Variants in SMOC2 observed in about 807,000 individuals in gnomAD.
SMOC2 encodes SPARC related modular calcium binding 2.
SMOC2 carries 39 observed loss-of-function variants against 61.4 expected under a neutral mutation model. The ratio of observed to expected loss-of-function variants is 0.64; its 90% CI spans 0.49 to 0.83. The LOEUF (loss-of-function observed/expected upper bound fraction) is 0.83. SMOC2 is among the 40% of genes least tolerant of loss of function. SMOC2 has a pLI of 0.00. For missense variants in SMOC2, 556 were observed against 592.9 expected, an observed-to-expected ratio of 0.94 and a Z score of 0.65; for synonymous variants, 247 against 239.9, an observed-to-expected ratio of 1.03 and a Z score of -0.27.
In SMOC2 at chr6:168,511,811, G is replaced by GTTTTTTTT. The variant is rs144317852; in HGVS notation, c.256+1727_256+1728insTTTTTTTT. On this transcript the variant is annotated intron_variant, in intron 2 of 12. Coordinates refer to ENST00000356284, the MANE Select transcript of SMOC2 (RefSeq NM_001166412.2). The stretch of plus-strand genomic sequence containing the variant: ...GACAAATGGCTATTCATTATCAAGG[G>GTTTTTTTT]TTGTTTTTTTTTTTTTTTCTGAAAT... Among the ~76,000 whole-genome samples, 21 of 130,732 alleles carry GTTTTTTTT rather than the reference G, an allele frequency of 1.6e-4. 2 individuals are homozygous for GTTTTTTTT. Among genetic ancestry groups the GTTTTTTTT allele is most frequent in the Non-Finnish European group, 1.9e-4 (12 of 62,628 alleles). 85.8% of individuals were successfully genotyped at this position (130,732 alleles called of 152,430 possible).
chr6:168,583,981 G>A (rs756466805), intron 7 of SMOC2, among the ~76,000 whole-genome samples: 2 of 152,208 alleles, frequency 1.3e-5, no homozygotes, highest in Non-Finnish European at 2.9e-5. Flanking sequence ...GGCTGTGGTT[G>A]CAACAGTAAT....
At chr6:168,465,202 G>A (rs1230425111) in intron 1 of SMOC2, among the ~76,000 whole-genome samples, 1 of 152,208 alleles carries the variant, frequency 6.6e-6, no homozygotes, top group African/African-American at 2.4e-5. Flanking sequence ...GAATCTCTTT[G>A]TTTTTGTTTC....
chr6:168,549,293 C>T (rs1490365556), intron 7 of SMOC2, 90 bp downstream of exon 7: 1 of 1,243,758 alleles, frequency 8.0e-7, no homozygotes, highest in African/African-American at 1.5e-5. Context: ...GTGTATTGTA[C>T]AGTTGACCCT....
intron 2 of SMOC2, among the ~76,000 whole-genome samples, chr6:168,511,311 G>T (rs1404195343): frequency 6.6e-6 from 1 of 152,130 alleles, no homozygotes; most frequent in Non-Finnish European, 1.5e-5. Flanking sequence ...AGCTGGGGAG[G>T]CCTCAGGAAG....
intron 2 of SMOC2, among the ~76,000 whole-genome samples, chr6:168,519,579 C>T (rs147801558): frequency 3.9e-5 from 6 of 152,286 alleles, no homozygotes; most frequent in African/African-American, 1.4e-4. Flanking sequence ...CACAGCCGGA[C>T]GTTCCTAGAA....
At chr6:168,472,251 G>A (rs887548648) in intron 1 of SMOC2, among the ~76,000 whole-genome samples, 32 of 150,922 alleles carry the variant, frequency 2.1e-4, no homozygotes, top group African/African-American at 6.8e-4. Flanking sequence ...GTCCAACTTC[G>A]TTGTTTTGCA....
chr6:168,502,038 A>C (rs1483703700), intron 1 of SMOC2, among the ~76,000 whole-genome samples: 3 of 152,044 alleles, frequency 2.0e-5, no homozygotes, highest in Non-Finnish European at 4.4e-5. Flanking sequence ...TGAACTTCTA[A>C]TTTAGCTCCC....
At chr6:168,569,299 A>G (rs1424003780) in intron 7 of SMOC2, among the ~76,000 whole-genome samples, 1 of 152,182 alleles carries the variant, frequency 6.6e-6, no homozygotes, top group Non-Finnish European at 1.5e-5. Context: ...AATGACTTTC[A>G]TATGCCTATT....
chr6:168,571,435 G>A (rs1784663688), intron 7 of SMOC2, among the ~76,000 whole-genome samples: 1 of 152,052 alleles, frequency 6.6e-6, no homozygotes, highest in Admixed American at 6.6e-5. Context: ...TGCAGCCTCC[G>A]AGCCAGACGT....
intron 1 of SMOC2, among the ~76,000 whole-genome samples, chr6:168,503,870 G>A (rs189354377): frequency 1.3e-5 from 2 of 152,162 alleles, no homozygotes; most frequent in African/African-American, 4.8e-5. Flanking sequence ...GAGATCCTGT[G>A]CAGAGTTGGC....
chr6:168,612,339 G>T (rs1438840526), intron 9 of SMOC2, among the ~76,000 whole-genome samples: 1 of 124,552 alleles, frequency 8.0e-6, no homozygotes, highest in East Asian at 2.6e-4. Flanking sequence ...CTCCATCAGG[G>T]GAGAGGGTGA....
Position 168,666,898 on chromosome 6 carries a change from T to G in SMOC2, c.*460T>G, listed in dbSNP as rs1274957461. On this transcript the variant is annotated 3_prime_UTR_variant, in exon 13 of 13. Transcript: ENST00000356284. ...CGACCCTACAGGCAGTTAACATGCA[T>G]GGGCTGGTTTGTTTCTTGGGATTTT... 2 of 156,094 alleles carry G rather than the reference T, an allele frequency of 1.3e-5. No homozygotes were observed. Among genetic ancestry groups the G allele is most frequent in the African/African-American group, 4.8e-5 (2 of 41,564 alleles). The allele number at this position is 156,094 out of a possible 1,614,324, so 9.7% of individuals were successfully genotyped here.
In SMOC2 at chr6:168,620,536, G is replaced by C. The variant is rs569787496; in HGVS notation, c.907+12297G>C. ...TTGGGAAAATGGAGACTGATATATAGGAAAATTTTCCCTATGTCTAAAAAT... is the reference window on the plus strand; with the variant it reads ...TTGGGAAAATGGAGACTGATATATACGAAAATTTTCCCTATGTCTAAAAAT... On this transcript the variant is annotated intron_variant, in intron 9 of 12. Transcript: ENST00000356284. 2.0e-5 allele frequency among the ~76,000 whole-genome samples: 3 copies of C among 152,218 alleles called. No individual in the cohort carries two copies. In the South Asian group the frequency reaches 6.2e-4, roughly 32 times the overall value.
intron 9 of SMOC2, among the ~76,000 whole-genome samples, chr6:168,610,369 A>G (rs146473017): frequency 1.3e-5 from 2 of 152,342 alleles, no homozygotes; most frequent in Non-Finnish European, 2.9e-5. Flanking sequence ...GTTCATGACC[A>G]CTTAATTATT....
rs139743164 is a variant in SMOC2, at chr6:168,547,610, TA to T, written c.562+444del. 1.1e-4 allele frequency among the ~76,000 whole-genome samples: 17 copies of T among 152,232 alleles called. 1 individual carries two copies. The East Asian group carries it at 3.3e-3, about 29-fold the overall frequency. On this transcript the variant is annotated intron_variant, in intron 6 of 12. Transcript: ENST00000356284. ...GATGAAACGGCAACGGATGGCATAG[TA>T]AACATTTCCTAGCCACACGCCCCTG...
chr6:168,599,401 GAC>G (rs138442021), intron 8 of SMOC2, among the ~76,000 whole-genome samples: 40,202 of 87,146 alleles, frequency 0.46, 7,681 homozygotes, highest in Non-Finnish European at 0.51. Context: ...CACACACACT[GAC>G]ACACACACAT....
At chr6:168,463,571 AG>A (rs1781760688) in intron 1 of SMOC2, among the ~76,000 whole-genome samples, 1 of 152,192 alleles carries the variant, frequency 6.6e-6, no homozygotes, top group African/African-American at 2.4e-5. Context: ...CCCAGGAGCC[AG>A]GGGAGTGTGA....
In SMOC2 at chr6:168,630,496, C is replaced by T. The variant is rs562536587; in HGVS notation, c.908-20185C>T. 1.8e-4 allele frequency among the ~76,000 whole-genome samples: 28 copies of T among 152,210 alleles called. No homozygotes were observed. The South Asian group carries it at 4.6e-3, about 25-fold the overall frequency. On this transcript the variant is annotated intron_variant, in intron 9 of 12. Coordinates refer to ENST00000356284, the MANE Select transcript of SMOC2 (RefSeq NM_001166412.2). ...CCTGTCAGCCGAGGAGGATGTATGT[C>T]GCCTCAGGACCACGTGATAATTGCA...
At chr6:168,652,221 G>A (rs1787213606) in intron 10 of SMOC2, among the ~76,000 whole-genome samples, 1 of 152,148 alleles carries the variant, frequency 6.6e-6, no homozygotes, top group Non-Finnish European at 1.5e-5. Flanking sequence ...AACTAAAATT[G>A]ATGGCAGTAA....
Sources: gnomAD v4.1 joint callset for allele counts (sites outside exome capture counted in the v4.1 genomes callset) on GRCh38, gnomAD v4.1.1 for gene constraint, MANE v1.5 for transcripts, NCBI Gene and HGNC (gene_info 2026-07-23, HGNC 2026-07-21) for gene names.